The following CCDC158 variants were observed in gnomAD, a reference collection of about 807,000 sequenced individuals.
The protein encoded by CCDC158 is coiled-coil domain containing 158, also known as coiled-coil domain-containing protein 158.
A neutral mutation model predicts 138.6 loss-of-function variants in CCDC158; 116 were observed. The observed-to-expected ratio is 0.84, with a 90% CI of 0.72 to 0.98. CCDC158 has a LOEUF of 0.98. Ranked by LOEUF, CCDC158 falls within the 50% of genes least tolerant of loss-of-function variation. The pLI is 0.00. For missense variants in CCDC158, 1,265 were observed against 1,306.1 expected (o/e 0.97, Z 0.48); for synonymous variants, 436 against 442.4 (o/e 0.99, Z 0.18).
chr4:76,335,497 T>C (rs1169745720), intron 18 of CCDC158, among the ~76,000 whole-genome samples: 2 of 152,192 alleles, frequency 1.3e-5, no homozygotes, highest in South Asian at 2.1e-4. Flanking sequence ...CATAAACATA[T>C]ATAAATATGT....
At chr4:76,420,151 C>G (rs1579134092) in intron 1 of CCDC158, among the ~76,000 whole-genome samples, 1 of 152,006 alleles carries the variant, frequency 6.6e-6, no homozygotes. Flanking sequence ...GACCACATCT[C>G]TCTCAGCACT....
chr4:76,412,674 A>G (rs1338126727), intron 1 of CCDC158, among the ~76,000 whole-genome samples: 7 of 152,136 alleles, frequency 4.6e-5, no homozygotes, highest in African/African-American at 1.2e-4. Context: ...ATTGCTTGAC[A>G]TGGGAGGCAG....
chr4:76,384,204 T>A lies in CCDC158; in HGVS notation c.610A>T (p.Ile204Leu). Residue 204 changes from isoleucine to leucine, a missense_variant, in exon 6 of 25, where the codon ATA becomes TTA. Ile to Leu is a conservative substitution (Grantham distance 5). Coordinates refer to ENST00000682701, the MANE Select transcript of CCDC158 (RefSeq NM_001394954.1). ...VDFEEASGKKICEHDSMSTLH... is the reference protein window; with the variant it reads ...VDFEEASGKKLCEHDSMSTLH... Reference sequence around the variant, plus strand: ...GTAGACATGCTGTCATGTTCACATATTTTTTTGCCTGAGGCTTCTTCAAAG... The same window carrying A: ...GTAGACATGCTGTCATGTTCACATAATTTTTTGCCTGAGGCTTCTTCAAAG... The A allele has an allele frequency of 1.9e-6, 3 of 1,612,828 alleles. No individual in the cohort carries two copies. Among genetic ancestry groups the A allele is most frequent in the Non-Finnish European group, 2.5e-6 (3 of 1,178,934 alleles).
chr4:76,326,049 G>T, intron 22 of CCDC158, 34 bp from the exon 23 acceptor site: 1 of 1,569,522 alleles, frequency 6.4e-7, no homozygotes, highest in South Asian at 1.2e-5. Flanking sequence ...TAAAAGGACA[G>T]AATTAATTAA....
chr4:76,323,800 T>C (rs1358571337), intron 23 of CCDC158, among the ~76,000 whole-genome samples: 7 of 152,326 alleles, frequency 4.6e-5, no homozygotes, highest in Admixed American at 2.6e-4. Context: ...TGATCTAATA[T>C]AGAAACTGCA....
intron 1 of CCDC158, among the ~76,000 whole-genome samples, chr4:76,414,536 A>G (rs1729541024): frequency 6.6e-6 from 1 of 152,054 alleles, no homozygotes; most frequent in Non-Finnish European, 1.5e-5. Flanking sequence ...TGGAGTTGAG[A>G]CTCCTGATAT....
rs1414506779 is a variant in CCDC158, at chr4:76,317,251, A to G, written c.3278-4005T>C. Among the ~76,000 whole-genome samples the G allele has an allele frequency of 2.0e-5, 3 of 152,182 alleles. 1 individual carries two copies. In the South Asian group the frequency reaches 6.2e-4, roughly 32 times the overall value. ...CTTCAAGAGACTCACCTAATGCACAAGGACTCACATAAACTTAAGGTAAAG... is the reference window on the plus strand; with the variant it reads ...CTTCAAGAGACTCACCTAATGCACAGGGACTCACATAAACTTAAGGTAAAG... On this transcript the variant is annotated intron_variant, in intron 24 of 24. Coordinates refer to ENST00000682701, the MANE Select transcript of CCDC158 (RefSeq NM_001394954.1).
intron 2 of CCDC158, among the ~76,000 whole-genome samples, chr4:76,407,985 AT>A (rs1475965650): frequency 6.6e-6 from 1 of 152,160 alleles, no homozygotes; most frequent in Admixed American, 6.5e-5. Context: ...TCAAAGGGGA[AT>A]TTTTTTCTTA....
chr4:76,336,993 T>C (rs550729483), intron 18 of CCDC158, among the ~76,000 whole-genome samples: 29 of 152,326 alleles, frequency 1.9e-4, no homozygotes, highest in Admixed American at 1.2e-3. Flanking sequence ...TCTTTTTTTT[T>C]CCTCTGAGAC....
chr4:76,344,812 A>G, intron 18 of CCDC158: 1 of 1,603,420 alleles, frequency 6.2e-7, no homozygotes, highest in Non-Finnish European at 8.5e-7. Flanking sequence ...CCTCGAGAGA[A>G]GATGCAGAAA....
chr4:76,399,088 G>A (rs1465282806), intron 3 of CCDC158, among the ~76,000 whole-genome samples: 1 of 152,114 alleles, frequency 6.6e-6, no homozygotes, highest in African/African-American at 2.4e-5. Flanking sequence ...AGGTTTTAAA[G>A]CAAGAATCAT....
chr4:76,356,262 G>T (rs769855332), intron 14 of CCDC158, among the ~76,000 whole-genome samples: 1 of 152,108 alleles, frequency 6.6e-6, no homozygotes. Context: ...ACTGTATATT[G>T]ATTTATTAAT....
chr4:76,398,156 A>G (rs1402678742), intron 3 of CCDC158, among the ~76,000 whole-genome samples: 1 of 152,248 alleles, frequency 6.6e-6, no homozygotes, highest in Non-Finnish European at 1.5e-5. Flanking sequence ...TCAGCTAATA[A>G]CTATGATAAA....
intron 18 of CCDC158, among the ~76,000 whole-genome samples, chr4:76,335,670 C>T (rs1007737873): frequency 1.3e-5 from 2 of 152,130 alleles, no homozygotes; most frequent in Non-Finnish European, 2.9e-5. Flanking sequence ...ACTTCCATCT[C>T]CCAGGCTCAA....
chr4:76,379,963 C>T (rs1392202067), intron 8 of CCDC158, among the ~76,000 whole-genome samples: 1 of 152,114 alleles, frequency 6.6e-6, no homozygotes, highest in African/African-American at 2.4e-5. Flanking sequence ...CTTTCCTGCT[C>T]CGCCATGGTA....
At chr4:76,396,831 C>T (rs1254330896) in intron 3 of CCDC158, among the ~76,000 whole-genome samples, 3 of 152,094 alleles carry the variant, frequency 2.0e-5, no homozygotes, top group Non-Finnish European at 4.4e-5. Context: ...CCACGCCTGG[C>T]CCATTAATTA....
chr4:76,350,910 T>G (rs1722976863), intron 18 of CCDC158, 86 bp downstream of exon 18: 1 of 1,297,196 alleles, frequency 7.7e-7, no homozygotes, highest in Admixed American at 2.1e-5. Flanking sequence ...GATATAGAGA[T>G]ATTATTTTTT....
intron 1 of CCDC158, among the ~76,000 whole-genome samples, chr4:76,417,461 G>T (rs1008773583): frequency 6.6e-6 from 1 of 152,054 alleles, no homozygotes; most frequent in Admixed American, 6.5e-5. Context: ...AGATTTGGAG[G>T]GGCCACAGGT....
At chr4:76,367,934 C>A (rs368205110) in intron 11 of CCDC158, among the ~76,000 whole-genome samples, 158 bp from the exon 12 acceptor site, 1 of 150,942 alleles carries the variant, frequency 6.6e-6, no homozygotes, top group South Asian at 2.1e-4. Context: ...TCACTGTGTT[C>A]CCTAGGTTGG....
Sources: gnomAD v4.1 joint callset for allele counts (sites outside exome capture counted in the v4.1 genomes callset) on GRCh38, gnomAD v4.1.1 for gene constraint, MANE v1.5 for transcripts, NCBI Gene and HGNC (gene_info 2026-07-23, HGNC 2026-07-21) for gene names.